The following COL28A1 variants were observed in gnomAD, a reference collection of about 807,000 sequenced individuals.
COL28A1 encodes collagen type XXVIII alpha 1 chain, also known as collagen alpha-1(XXVIII) chain.
A neutral mutation model predicts 150.2 loss-of-function variants in COL28A1; 161 were observed. The observed-to-expected ratio is 1.07, with a 90% CI of 0.94 to 1.22. COL28A1 has a LOEUF of 1.22. Ranked by LOEUF, COL28A1 falls within the 50% of genes most tolerant of loss-of-function variation. The pLI, the probability that COL28A1 is intolerant of heterozygous loss-of-function variation, is 0.00. For missense variants in COL28A1, 1,617 were observed against 1,388.3 expected, an observed-to-expected ratio of 1.16 and a Z score of -2.62; for synonymous variants, 552 against 469.7, an observed-to-expected ratio of 1.18 and a Z score of -2.26.
At chr7:7,445,377 C>T (rs949931197) in intron 18 of COL28A1, among the ~76,000 whole-genome samples, 1 of 152,120 alleles carries the variant, frequency 6.6e-6, no homozygotes, top group Non-Finnish European at 1.5e-5. Context: ...AAGATGAGAC[C>T]AGGAAGCAAT....
chr7:7,430,512 TTAATA>T (rs986586532), intron 25 of COL28A1, among the ~76,000 whole-genome samples: 2 of 152,206 alleles, frequency 1.3e-5, no homozygotes, highest in Admixed American at 6.5e-5. Flanking sequence ...ATCGTATAAT[TTAATA>T]TAACATCATG....
chr7:7,527,550 C>T (rs115849478), intron 3 of COL28A1, among the ~76,000 whole-genome samples: 1,680 of 152,160 alleles, frequency 0.011, 37 homozygotes, highest in African/African-American at 0.038. Context: ...TGGGAGGTGG[C>T]GAGGGCTTGC....
At chr7:7,380,989 G>A in intron 28 of COL28A1, 127 bp from the exon 29 acceptor site, 3 of 751,354 alleles carry the variant, frequency 4.0e-6, no homozygotes, top group East Asian at 5.0e-5. Context: ...TTATACAAAT[G>A]CAGTATTTGA....
At chr7:7,471,125 T>TAAAAAAAAAAAAAAAAAAAAAAAAATAAA (rs746981344) in intron 15 of COL28A1, among the ~76,000 whole-genome samples, 1 of 88,524 alleles carries the variant, frequency 1.1e-5, no homozygotes. Flanking sequence ...AAAAAATAAT[T>TAAAAAAAAAAAAAAAAAAAAAAAAATAAA]AAAAAAAAAA....
intron 11 of COL28A1, among the ~76,000 whole-genome samples, chr7:7,491,668 A>G (rs1164486089): frequency 6.6e-6 from 1 of 152,248 alleles, no homozygotes; most frequent in African/African-American, 2.4e-5. Context: ...TACATTTCAC[A>G]GGTGAGAAAC....
chr7:7,444,299 T>G, intron 19 of COL28A1, 119 bp downstream of exon 19: 1 of 1,365,898 alleles, frequency 7.3e-7, no homozygotes, highest in Non-Finnish European at 1.0e-6. Flanking sequence ...GATTGTGAGA[T>G]ATTTTTTCTT....
At chr7:7,345,908 CTAATT>C in the COL28A1 span, among the ~76,000 whole-genome samples, 3 of 152,024 alleles carry the variant, frequency 2.0e-5, no homozygotes, top group African/African-American at 7.2e-5. Context: ...TGTTTTTCAT[CTAATT>C]TGAGATTATC....
At chr7:7,423,716 T>G (rs1784497674) in intron 25 of COL28A1, among the ~76,000 whole-genome samples, 1 of 152,198 alleles carries the variant, frequency 6.6e-6, no homozygotes, top group African/African-American at 2.4e-5. Context: ...TTAATTACAC[T>G]AATACCCACA....
rs562986910 is a variant in COL28A1, at chr7:7,526,379, T to C, written c.682-2130A>G. Among the ~76,000 whole-genome samples, 105 of 152,302 alleles carry C rather than the reference T, an allele frequency of 6.9e-4. 1 individual carries two copies. The highest frequency in any genetic ancestry group is 1.2e-3 in the Non-Finnish European group (82 of 68,024). On this transcript the variant is annotated intron_variant, in intron 3 of 34. Transcript: ENST00000399429. ...TTTCAACAAAATTTCCAAAAAAACA[T>C]TGAGTGCAAAAGCAAGTTGTAGATA...
intron 15 of COL28A1, among the ~76,000 whole-genome samples, chr7:7,465,024 A>G (rs1458713995): frequency 6.6e-6 from 1 of 152,206 alleles, no homozygotes; most frequent in African/African-American, 2.4e-5. Context: ...CAAGGCTACT[A>G]TGAACACCTT....
At chr7:7,389,758 A>T (rs187232351) in intron 27 of COL28A1, among the ~76,000 whole-genome samples, 10 of 152,164 alleles carry the variant, frequency 6.6e-5, no homozygotes, top group African/African-American at 1.9e-4. Flanking sequence ...TCTTTGTAGC[A>T]ATTGTGAATG....
At chr7:7,372,088 T>C (rs1319420433) in intron 32 of COL28A1, among the ~76,000 whole-genome samples, 1 of 152,036 alleles carries the variant, frequency 6.6e-6, no homozygotes, top group Non-Finnish European at 1.5e-5. Flanking sequence ...TGCCTGGCAT[T>C]GTACAATGAA....
rs754408970 is a variant in COL28A1 at position 7,520,115 on chromosome 7, C to T, written c.760G>A (p.Gly254Ser). The change falls in exon 6 of 35, where the codon GGT becomes AGT. Residue 254 changes from glycine to serine, a missense_variant and splice_region_variant. By Grantham distance (56) the Gly-to-Ser change is moderately conservative (BLOSUM62 0). Transcript: ENST00000399429. ...TTGATACCTGGATTTCCATGTGTAC[C>T]CTGAAGGCAAAGGGAAAAAATATTA... is the stretch of plus-strand genomic sequence containing the variant. ...KGDPGDPGPP[G>S]THGNPGIKGE... The T allele has an allele frequency of 7.7e-7, 1 of 1,291,826 alleles. No individual in the cohort carries two copies. Among genetic ancestry groups the T allele is most frequent in the South Asian group, 1.2e-5 (1 of 82,454 alleles). 80.0% of individuals were successfully genotyped at this position (1,291,826 alleles called of 1,614,324 possible).
chr7:7,513,745 T>C (rs1015028412), intron 8 of COL28A1, among the ~76,000 whole-genome samples: 2 of 152,214 alleles, frequency 1.3e-5, no homozygotes, highest in African/African-American at 4.8e-5. Flanking sequence ...ATTCCATTTG[T>C]CCAGACAGAT....
chr7:7,352,233 C>A (rs746214833), downstream of COL28A1, among the ~76,000 whole-genome samples: 1 of 152,014 alleles, frequency 6.6e-6, no homozygotes, highest in Non-Finnish European at 1.5e-5. Flanking sequence ...TTATTGAGTT[C>A]TTCTTAAATG....
chr7:7,432,926 T>C (rs571529919), intron 23 of COL28A1, among the ~76,000 whole-genome samples: 3 of 146,742 alleles, frequency 2.0e-5, no homozygotes, highest in South Asian at 4.5e-4. Flanking sequence ...GTGAGAAGAG[T>C]AGAAAAGAAT....
intron 18 of COL28A1, among the ~76,000 whole-genome samples, chr7:7,450,458 A>T (rs962014936): frequency 6.6e-5 from 10 of 152,204 alleles, no homozygotes; most frequent in Non-Finnish European, 1.2e-4. Flanking sequence ...TGAAAAAAAT[A>T]AGTCAGAGCC....
chr7:7,482,312 G>T (rs1019104377), intron 13 of COL28A1, among the ~76,000 whole-genome samples: 3 of 152,050 alleles, frequency 2.0e-5, no homozygotes, highest in Non-Finnish European at 4.4e-5. Flanking sequence ...ATTACCTGAG[G>T]TCAGGAGTTC....
intron 18 of COL28A1, among the ~76,000 whole-genome samples, chr7:7,451,050 G>C (rs933431707): frequency 1.3e-5 from 2 of 152,070 alleles, no homozygotes; most frequent in South Asian, 2.1e-4. Context: ...TGTGTGAGGA[G>C]AGAAGGGAGG....
Sources: gnomAD v4.1 joint callset for allele counts (sites outside exome capture counted in the v4.1 genomes callset) on GRCh38, gnomAD v4.1.1 for gene constraint, MANE v1.5 for transcripts, NCBI Gene and HGNC (gene_info 2026-07-23, HGNC 2026-07-21) for gene names.